Variants in CNTNAP2 observed in about 807,000 individuals in gnomAD.
CNTNAP2 encodes the protein contactin-associated protein-like 2.
A neutral mutation model predicts 155.2 loss-of-function variants in CNTNAP2; 98 were observed. The observed-to-expected ratio is 0.63, with a 90% CI of 0.54 to 0.75. The LOEUF (loss-of-function observed/expected upper bound fraction) is 0.75, where lower values mean the gene tolerates loss of function less well. CNTNAP2 is among the 30% of genes least tolerant of loss of function. The pLI, the probability that CNTNAP2 is intolerant of heterozygous loss-of-function variation, is 0.00. For synonymous variants in CNTNAP2, 651 were observed against 631.2 expected (o/e 1.03, Z -0.47); for missense variants, 1,727 against 1,688.1 (o/e 1.02, Z -0.40).
intron 15 of CNTNAP2, among the ~76,000 whole-genome samples, chr7:148,084,812 A>G (rs550577322): frequency 1.8e-4 from 27 of 152,346 alleles, no homozygotes; most frequent in African/African-American, 6.5e-4. Context: ...GCATAGGTAT[A>G]GAACTGACAT....
chr7:146,221,464 G>C (rs888238741), intron 1 of CNTNAP2, among the ~76,000 whole-genome samples: 6 of 152,088 alleles, frequency 3.9e-5, no homozygotes, highest in African/African-American at 1.4e-4. Context: ...CATATCCACT[G>C]CTTCAGATCC....
intron 1 of CNTNAP2, among the ~76,000 whole-genome samples, chr7:146,371,365 GT>G (rs58066282): frequency 0.067 from 6,530 of 98,052 alleles, 82 homozygotes; most frequent in African/African-American, 0.16. Flanking sequence ...GCCAGTATTA[GT>G]TTTTTTTTTT....
intron 9 of CNTNAP2, among the ~76,000 whole-genome samples, chr7:147,325,966 T>A (rs773663036): frequency 1.1e-4 from 16 of 152,090 alleles, no homozygotes; most frequent in South Asian, 2.1e-4. Flanking sequence ...TCTGTAGCCC[T>A]GGCTGGAGTG....
intron 13 of CNTNAP2, among the ~76,000 whole-genome samples, chr7:147,822,702 T>A (rs1253322900): frequency 6.6e-6 from 1 of 152,162 alleles, no homozygotes; most frequent in Non-Finnish European, 1.5e-5. Flanking sequence ...TGATCATTCA[T>A]ACTGCCACTA....
At chr7:146,515,026 C>G (rs2129136246) in intron 1 of CNTNAP2, among the ~76,000 whole-genome samples, 1 of 152,132 alleles carries the variant, frequency 6.6e-6, no homozygotes, top group African/African-American at 2.4e-5. Context: ...AATATCCCAG[C>G]TATGTGAAAA....
intron 13 of CNTNAP2, among the ~76,000 whole-genome samples, chr7:147,720,381 G>A (rs1796546512): frequency 6.6e-6 from 1 of 152,074 alleles, no homozygotes; most frequent in Admixed American, 6.6e-5. Context: ...TCTTTCTGTT[G>A]TGTTGAGGAT....
rs550386100 is a variant in CNTNAP2 at position 148,092,901 on chromosome 7, A to C, written c.2384-25217A>C. 5.2e-3 allele frequency among the ~76,000 whole-genome samples: 739 copies of C among 142,696 alleles called. 1 individual carries two copies. The highest frequency in any genetic ancestry group is 9.6e-3 in the Admixed American group (141 of 14,638). The allele number at this position is 142,696 out of a possible 152,430, so 93.6% of individuals were successfully genotyped here. A position where few individuals can be genotyped will look rare whatever the true frequency, so the allele number is the denominator to read the frequency against. ...ATTTAAAAAAAAAAAAAAAAAAAAC[A>C]ACCACAAAGCTTTGGTCCAGGTGCC... is the stretch of plus-strand genomic sequence containing the variant. On this transcript the variant is annotated intron_variant, in intron 15 of 23. Coordinates refer to ENST00000361727, the MANE Select transcript of CNTNAP2 (RefSeq NM_014141.6).
chr7:148,013,914 G>A (rs1050138607), intron 15 of CNTNAP2, among the ~76,000 whole-genome samples: 3 of 152,100 alleles, frequency 2.0e-5, no homozygotes, highest in Admixed American at 6.5e-5. Flanking sequence ...CGGAAACAAG[G>A]TAGAGTTAGC....
intron 20 of CNTNAP2, among the ~76,000 whole-genome samples, chr7:148,257,332 C>T (rs1253049178): frequency 2.0e-5 from 3 of 152,206 alleles, no homozygotes; most frequent in African/African-American, 7.2e-5. Context: ...CCTCCAGGAC[C>T]GGCATGCATC....
At chr7:148,356,344 G>T (rs1798514827) in intron 21 of CNTNAP2, among the ~76,000 whole-genome samples, 1 of 152,180 alleles carries the variant, frequency 6.6e-6, no homozygotes, top group Admixed American at 6.5e-5. Flanking sequence ...GAAATTAAGA[G>T]AAGGGTGTTA....
At chr7:147,512,261 CTT>C (rs2116691509) in intron 11 of CNTNAP2, among the ~76,000 whole-genome samples, 1 of 152,310 alleles carries the variant, frequency 6.6e-6, no homozygotes, top group African/African-American at 2.4e-5. Flanking sequence ...CATTTGCAGA[CTT>C]GTCCTTTTGA....
chr7:148,406,553 G>A (rs893608228), intron 22 of CNTNAP2, among the ~76,000 whole-genome samples: 2 of 152,226 alleles, frequency 1.3e-5, no homozygotes, highest in Non-Finnish European at 1.5e-5. Flanking sequence ...TCAAAAGGCA[G>A]GGTAGAGAAG....
rs753763641 is a variant in CNTNAP2 at position 147,667,824 on chromosome 7, AT to A, written c.2098+28519del. On this transcript the variant is annotated intron_variant, in intron 13 of 23. Coordinates refer to ENST00000361727, the MANE Select transcript of CNTNAP2 (RefSeq NM_014141.6). ...AAAAAAAAATAATAAAAAAAATAAA[AT>A]AAAAAAATAAAAGATACCAATGCAA... Among the ~76,000 whole-genome samples the A allele has an allele frequency of 2.1e-3, 304 of 142,864 alleles. 6 individuals are homozygous for A. Among genetic ancestry groups the A allele is most frequent in the Middle Eastern group, 0.015 (4 of 260 alleles). The allele number at this position is 142,864 out of a possible 152,430, so 93.7% of individuals were successfully genotyped here. A position where few individuals can be genotyped will look rare whatever the true frequency, so the allele number is the denominator to read the frequency against.
chr7:147,289,081 A>G (rs996867341), intron 8 of CNTNAP2, among the ~76,000 whole-genome samples: 3 of 152,174 alleles, frequency 2.0e-5, no homozygotes, highest in Admixed American at 1.3e-4. Flanking sequence ...TATTCAAATT[A>G]AAATAGCTAA....
chr7:147,703,545 C>G (rs1167532416), intron 13 of CNTNAP2, among the ~76,000 whole-genome samples: 1 of 152,116 alleles, frequency 6.6e-6, no homozygotes, highest in African/African-American at 2.4e-5. Context: ...CTTTTTCACT[C>G]TGTGTATTCA....
chr7:147,251,846 G>C (rs148583464), intron 8 of CNTNAP2, among the ~76,000 whole-genome samples: 72 of 152,246 alleles, frequency 4.7e-4, no homozygotes, highest in African/African-American at 1.6e-3. Context: ...AGTTATCTTT[G>C]AGTCTCTATG....
At chr7:146,737,786 A>G (rs1050442641) in intron 1 of CNTNAP2, among the ~76,000 whole-genome samples, 2 of 152,002 alleles carry the variant, frequency 1.3e-5, no homozygotes, top group Non-Finnish European at 2.9e-5. Context: ...AATGTCCTTC[A>G]GGTTCATCCA....
intron 3 of CNTNAP2, among the ~76,000 whole-genome samples, chr7:146,991,364 C>G (rs866761589): frequency 1.3e-5 from 2 of 151,948 alleles, no homozygotes; most frequent in Non-Finnish European, 2.9e-5. Context: ...ACTTCAATAT[C>G]ATTAAATTTA....
intron 3 of CNTNAP2, among the ~76,000 whole-genome samples, chr7:146,864,643 A>G (rs149298147): frequency 9.5e-4 from 144 of 152,312 alleles, no homozygotes; most frequent in African/African-American, 3.2e-3. Context: ...GTGTTCATAG[A>G]TGACATAATA....
Sources: gnomAD v4.1 joint callset for allele counts (sites outside exome capture counted in the v4.1 genomes callset) on GRCh38, gnomAD v4.1.1 for gene constraint, MANE v1.5 for transcripts, NCBI Gene and HGNC (gene_info 2026-07-23, HGNC 2026-07-21) for gene names.